Variants in PLA2G6 observed in about 807,000 individuals in gnomAD.
PLA2G6 encodes 85/88 kDa calcium-independent phospholipase A2.
In PLA2G6, 62 loss-of-function variants were observed where a neutral mutation model predicts 83.8. The observed-to-expected ratio is 0.74, with a 90% CI of 0.60 to 0.91. PLA2G6 has a LOEUF of 0.91. Ranked by LOEUF, PLA2G6 falls within the 40% of genes least tolerant of loss-of-function variation. The probability of loss-of-function intolerance (pLI) is 0.00; values close to 1 mark genes in which losing one functional copy is unlikely to be tolerated. For missense variants in PLA2G6, 944 were observed against 1,102.0 expected (o/e 0.86, Z 2.03); for synonymous variants, 417 against 449.8 (o/e 0.93, Z 0.92).
rs982702443 is a variant in PLA2G6 at position 38,167,138 on chromosome 22, G to A, written c.209+2080C>T. On this transcript the variant is annotated intron_variant, in intron 2 of 16. Transcript: ENST00000332509. ...AGCTACTTGGGAGGCTGAGGCAGGA[G>A]AATGGCGTGAACCTGGGAGGCGGAG... Among the ~76,000 whole-genome samples the A allele has an allele frequency of 3.3e-5, 5 of 150,094 alleles. No homozygotes were observed. The South Asian group carries it at 1.0e-3, about 31-fold the overall frequency.
intron 13 of PLA2G6, 149 bp from the exon 14 acceptor site, chr22:38,115,830 C>T: frequency 1.4e-6 from 2 of 1,476,362 alleles, no homozygotes; most frequent in Non-Finnish European, 1.8e-6. Flanking sequence ...CACGAAGCCA[C>T]ACTCTCTGGC....
chr22:38,148,164 T>C, intron 2 of PLA2G6: 1 of 289,034 alleles, frequency 3.5e-6, no homozygotes, highest in African/African-American at 2.3e-5. Context: ...AACATTACTT[T>C]TAGTGGAATG....
chr22:38,157,471 T>C (rs1476356678), intron 2 of PLA2G6, among the ~76,000 whole-genome samples: 1 of 152,162 alleles, frequency 6.6e-6, no homozygotes, highest in Non-Finnish European at 1.5e-5. Context: ...ATGAAAAGTC[T>C]CCCAGCAAAG....
rs2088784002 is a variant in PLA2G6, at chr22:38,139,775, T to G, written c.797+207A>C. ...TCTCCTCCTTGCACAGCTGAACTTG[T>G]GAACCGAGATTCCTACCCATGATAC... On this transcript the variant is annotated intron_variant, in intron 5 of 16. Transcript: ENST00000332509. 1.0e-5 allele frequency: 6 copies of G among 585,306 alleles called. No individual in the cohort carries two copies. In the South Asian group the frequency reaches 1.2e-4, roughly 12 times the overall value. The allele number at this position is 585,306 out of a possible 1,614,324, so 36.3% of individuals were successfully genotyped here.
intron 9 of PLA2G6, 126 bp from the exon 10 acceptor site, chr22:38,126,575 CT>C (rs920957842): frequency 1.3e-5 from 9 of 707,620 alleles, no homozygotes; most frequent in Non-Finnish European, 1.8e-5. Context: ...CCCACTCCCC[CT>C]GTCATCTGTC....
Position 38,145,545 on chromosome 22 carries a change from G to A in PLA2G6, c.318C>T (p.Val106=), listed in dbSNP as rs1464509586. The A allele has an allele frequency of 6.2e-7, 1 of 1,613,442 alleles. No individual in the cohort carries two copies. The highest frequency in any genetic ancestry group is 1.1e-5 in the South Asian group (1 of 90,958). ...ESSPQVLHTE[V]LQHLTDLIRN... is the part of the protein sequence containing the mutation. ...GGATGAGGTCGGTCAGGTGCTGCAG[G>A]ACCTCAGTGTGCAGGACCTGAGGGG... Residue 106 remains valine, a synonymous_variant, in exon 3 of 17, where the codon GTC becomes GTT. Coordinates refer to ENST00000332509, the MANE Select transcript of PLA2G6 (RefSeq NM_003560.4).
In PLA2G6 at chr22:38,113,567, C is replaced by T. The variant is rs2087010109; in HGVS notation, c.2122G>A (p.Val708Ile). Residue 708 changes from valine to isoleucine, a missense_variant, in exon 15 of 17, where the codon GTC becomes ATC. Physicochemically the swap from Val to Ile is conservative, Grantham distance 29 (BLOSUM62 3). Coordinates refer to ENST00000332509, the MANE Select transcript of PLA2G6 (RefSeq NM_003560.4). ...SPQVPVTCVD[V>I]FRPSNPWELA... ...TCCCAGGGGTTGCTGGGACGGAAGA[C>T]ATCCACACAGGTCACAGGCACTTGT... is the stretch of plus-strand genomic sequence containing the variant. 1 of 1,613,908 alleles carries T rather than the reference C, an allele frequency of 6.2e-7. No individual in the cohort carries two copies. Among genetic ancestry groups the T allele is most frequent in the Admixed American group, 1.7e-5 (1 of 59,998 alleles).
Position 38,112,218 on chromosome 22 carries a change from G to A in PLA2G6, c.2364C>T (p.Tyr788=), listed in dbSNP as rs748821599. ...LVNALWETEV[Y]IYEHREEFQK... is the part of the protein sequence containing the mutation. The stretch of plus-strand genomic sequence containing the variant: ...GGAACTCCTCGCGGTGCTCATAGAT[G>A]TAGACCTCGGTCTCCCAGAGGGCGT... The change falls in exon 17 of 17, where the codon TAC becomes TAT. Residue 788 remains tyrosine, a synonymous_variant. Coordinates refer to ENST00000332509, the MANE Select transcript of PLA2G6 (RefSeq NM_003560.4). 6 of 1,611,360 alleles carry A rather than the reference G, an allele frequency of 3.7e-6. No individual in the cohort carries two copies. Among genetic ancestry groups the A allele is most frequent in the Non-Finnish European group, 5.1e-6 (6 of 1,179,004 alleles).
intron 12 of PLA2G6, among the ~76,000 whole-genome samples, chr22:38,118,738 AGTTT>A (rs763032159): frequency 4.5e-4 from 66 of 148,010 alleles, no homozygotes; most frequent in African/African-American, 1.2e-3. Flanking sequence ...ATAGTTTGTG[AGTTT>A]GTTTGTTTTT....
At chr22:38,119,970 G>A (rs893114211) in intron 12 of PLA2G6, among the ~76,000 whole-genome samples, 1 of 127,444 alleles carries the variant, frequency 7.8e-6, no homozygotes, top group Admixed American at 8.3e-5. Context: ...AGAAAGACAA[G>A]CCACAGAGTG....
intron 5 of PLA2G6, chr22:38,139,682 A>G (rs1181710881): frequency 1.9e-5 from 6 of 318,760 alleles, no homozygotes; most frequent in Admixed American, 4.1e-5. Flanking sequence ...TGATCTGCCC[A>G]CCTCAGCCTC....
At chr22:38,138,190 T>C (rs1477663770) in intron 5 of PLA2G6, 1 of 152,498 alleles carries the variant, frequency 6.6e-6, no homozygotes, top group Admixed American at 6.5e-5. Flanking sequence ...AGTGGGGCCA[T>C]GTGCCAGCCC....
chr22:38,129,411 C>T (rs761965546), intron 8 of PLA2G6, 43 bp downstream of exon 8: 10 of 1,384,562 alleles, frequency 7.2e-6, no homozygotes, highest in Non-Finnish European at 9.3e-6. Context: ...CTGTATCCAC[C>T]CAACCCTCAC....
In PLA2G6 at chr22:38,143,276, G is replaced by A. The variant is rs749236337; in HGVS notation, c.438C>T (p.Cys146=). 68 of 1,612,112 alleles carry A rather than the reference G, an allele frequency of 4.2e-5. No homozygotes were observed. Among genetic ancestry groups the A allele is most frequent in the South Asian group, 7.7e-5 (7 of 91,086 alleles). ...GTGTGCAGCCCTCCTCGTTCTCCGCGCAATTGGCACAGCTGCAGGAGAGGG... is the reference window on the plus strand; with the variant it reads ...GTGTGCAGCCCTCCTCGTTCTCCGCACAATTGGCACAGCTGCAGGAGAGGG... ...HHSRIISCAN[C]AENEEGCTPL... The change falls in exon 4 of 17, where the codon TGC becomes TGT. Residue 146 remains cysteine, a synonymous_variant. Coordinates refer to ENST00000332509, the MANE Select transcript of PLA2G6 (RefSeq NM_003560.4).
Position 38,132,806 on chromosome 22 carries a change from G to A in PLA2G6, c.1077+25C>T, listed in dbSNP as rs1281271044. On this transcript the variant is annotated intron_variant, in intron 7 of 16. Transcript: ENST00000332509. The surrounding 1 kb of genome is among the most constrained non-coding windows in gnomAD (Gnocchi z 5.0). ...TGCATTCCCACCGGGGCCCCACAGGGCAGGACACGCGGTCCTGGGCTCACC... is the reference window on the plus strand; with the variant it reads ...TGCATTCCCACCGGGGCCCCACAGGACAGGACACGCGGTCCTGGGCTCACC... 1.3e-6 allele frequency: 2 copies of A among 1,535,112 alleles called. No individual in the cohort carries two copies. Among genetic ancestry groups the A allele is most frequent in the African/African-American group, 1.4e-5 (1 of 72,904 alleles).
rs1013763882 is a variant in PLA2G6 at position 38,148,562 on chromosome 22, A to G, written c.210-2909T>C. 24 of 717,232 alleles carry G rather than the reference A, an allele frequency of 3.3e-5. 1 individual carries two copies. In the African/African-American group the frequency reaches 3.5e-4, roughly 10 times the overall value. 44.4% of individuals were successfully genotyped at this position (717,232 alleles called of 1,614,324 possible). ...GTGGCTGTTACTGGAGAGGATGGGC[A>G]GACGAGCAGCACCAGTAACAGCCTC... On this transcript the variant is annotated intron_variant, in intron 2 of 16. Transcript: ENST00000332509.
chr22:38,128,360 G>C lies in PLA2G6; in HGVS notation c.1257C>G (p.His419Gln). The C allele has an allele frequency of 6.2e-7, 1 of 1,613,872 alleles. No individual in the cohort carries two copies. The highest frequency in any genetic ancestry group is 8.5e-7 in the Non-Finnish European group (1 of 1,179,982). Residue 419 changes from histidine (H) to glutamine (Q), a missense_variant, in exon 9 of 17, where the codon CAC becomes CAG. By Grantham distance (24) the His-to-Gln change is conservative. Transcript: ENST00000332509. This position sits in a 1 kb window ranked among gnomAD's most constrained non-coding sequence, Gnocchi z 4.4. ...CAGAGCCCTGCTCCGCGGGGACCCC[G>C]TGGATGGGTGGGAAGCAGTATTCGG... ...VGAEYCFPPI[H>Q]GVPAEQGSAA...
rs2088292003 is a variant in PLA2G6 at position 38,132,708 on chromosome 22, G to T, written c.1077+123C>A. On this transcript the variant is annotated intron_variant, in intron 7 of 16. Transcript: ENST00000332509. This position sits in a 1 kb window ranked among gnomAD's most constrained non-coding sequence, Gnocchi z 5.0. ...CAGGGTCTGAACTGAGCTTTGGGTG[G>T]GAAGATGATTTGGAGCAGCTGACGA... 3 of 904,464 alleles carry T rather than the reference G, an allele frequency of 3.3e-6. No individual in the cohort carries two copies. The East Asian group carries it at 8.0e-5, about 24-fold the overall frequency. The allele number at this position is 904,464 out of a possible 1,614,324, so 56.0% of individuals were successfully genotyped here. A position where few individuals can be genotyped will look rare whatever the true frequency, so the allele number is the denominator to read the frequency against.
chr22:38,148,672 C>A, intron 2 of PLA2G6: 1 of 659,454 alleles, frequency 1.5e-6, no homozygotes, highest in South Asian at 1.7e-5. Flanking sequence ...GGGTTAGGGT[C>A]CTAAAGAACT....
Sources: gnomAD v4.1 joint callset for allele counts (sites outside exome capture counted in the v4.1 genomes callset) on GRCh38, gnomAD v4.1.1 for gene constraint, Gnocchi (gnomAD v3.1) non-coding constraint, MANE v1.5 for transcripts, NCBI Gene and HGNC (gene_info 2026-07-23, HGNC 2026-07-21) for gene names.